The following RALYL variants were observed in gnomAD, a reference collection of about 807,000 sequenced individuals.
RALYL encodes RALY RNA binding protein like.
Under a neutral mutation model 35.1 loss-of-function variants are expected in RALYL, and 29 were observed. That is an observed-to-expected ratio of 0.83 (90% CI 0.61 to 1.13). The LOEUF (loss-of-function observed/expected upper bound fraction) is 1.13, where lower values mean the gene tolerates loss of function less well. RALYL is among the 50% of genes most tolerant of loss of function. The pLI is 0.00. For synonymous variants in RALYL, 120 were observed against 127.6 expected, an observed-to-expected ratio of 0.94 and a Z score of 0.40; for missense variants, 359 against 360.4, an observed-to-expected ratio of 1.00 and a Z score of 0.03.
intron 4 of RALYL, among the ~76,000 whole-genome samples, chr8:84,824,614 C>T (rs1477401415): frequency 3.9e-5 from 6 of 152,036 alleles, no homozygotes; most frequent in Non-Finnish European, 5.9e-5. Flanking sequence ...CTTCTAACTA[C>T]ACTATAAGGC....
chr8:84,261,954 C>T (rs1832386926), intron 1 of RALYL, among the ~76,000 whole-genome samples: 1 of 152,070 alleles, frequency 6.6e-6, no homozygotes, highest in African/African-American at 2.4e-5. Flanking sequence ...ATAGACTTCA[C>T]ATAATAAAGA....
At chr8:84,729,568 C>A (rs1170780631) in intron 2 of RALYL, among the ~76,000 whole-genome samples, 2 of 151,962 alleles carry the variant, frequency 1.3e-5, no homozygotes, top group Non-Finnish European at 2.9e-5. Flanking sequence ...ACACAAAAAA[C>A]CCTTCAAAAA....
intron 8 of RALYL, among the ~76,000 whole-genome samples, chr8:84,919,095 G>A (rs1264382265): frequency 6.6e-6 from 1 of 151,892 alleles, no homozygotes; most frequent in African/African-American, 2.4e-5. Context: ...CTAAATTCAT[G>A]TCAACTGCCA....
At chr8:84,662,293 T>C (rs1274441844) in intron 2 of RALYL, among the ~76,000 whole-genome samples, 2 of 152,172 alleles carry the variant, frequency 1.3e-5, no homozygotes, top group Non-Finnish European at 2.9e-5. Context: ...CTTCTTGCAC[T>C]CTACCACACA....
chr8:84,396,920 T>G (rs892925674), intron 1 of RALYL, among the ~76,000 whole-genome samples: 2 of 151,678 alleles, frequency 1.3e-5, no homozygotes, highest in African/African-American at 4.8e-5. Flanking sequence ...TCATAGAATA[T>G]CCCCCCCGCC....
At chr8:84,418,427 G>A (rs2045004782) in intron 1 of RALYL, among the ~76,000 whole-genome samples, 1 of 152,082 alleles carries the variant, frequency 6.6e-6, no homozygotes. Context: ...AATTTAATTA[G>A]CATGATGTCT....
intron 6 of RALYL, among the ~76,000 whole-genome samples, chr8:84,869,502 G>T (rs1485617610): frequency 2.0e-5 from 3 of 152,142 alleles, no homozygotes; most frequent in Non-Finnish European, 2.9e-5. Context: ...GGTAAGGGAG[G>T]TTATATCTAG....
chr8:84,808,768 T>C (rs1586441064), intron 4 of RALYL, among the ~76,000 whole-genome samples: 2 of 152,260 alleles, frequency 1.3e-5, no homozygotes, highest in East Asian at 3.9e-4. Flanking sequence ...TTTGCAGCCA[T>C]CGTAAAGTGG....
intron 7 of RALYL, among the ~76,000 whole-genome samples, chr8:84,874,737 A>G (rs1840817896): frequency 6.6e-6 from 1 of 152,240 alleles, no homozygotes. Flanking sequence ...AAATCGCTGT[A>G]TACCACATTC....
At chr8:84,867,871 G>A (rs1205103918) in intron 6 of RALYL, among the ~76,000 whole-genome samples, 1 of 152,122 alleles carries the variant, frequency 6.6e-6, no homozygotes, top group Non-Finnish European at 1.5e-5. Context: ...CTATTTCATA[G>A]ACAAAATAGA....
chr8:84,854,531 C>A (rs1836572977), intron 5 of RALYL, among the ~76,000 whole-genome samples: 1 of 152,104 alleles, frequency 6.6e-6, no homozygotes, highest in Admixed American at 6.6e-5. Context: ...CTCTCCTACT[C>A]CCCCAAAGCA....
At chr8:84,251,887 A>T (rs1830266738) in intron 1 of RALYL, among the ~76,000 whole-genome samples, 1 of 149,882 alleles carries the variant, frequency 6.7e-6, no homozygotes, top group Admixed American at 6.6e-5. Context: ...TTTTAGAAAG[A>T]TTTATTTTCC....
chr8:84,751,252 G>C (rs1809920602), intron 2 of RALYL, among the ~76,000 whole-genome samples: 1 of 152,016 alleles, frequency 6.6e-6, no homozygotes, highest in Non-Finnish European at 1.5e-5. Context: ...CTATCACCCA[G>C]GCTAGGGTGC....
At chr8:84,424,051 T>G (rs892212323) in intron 1 of RALYL, among the ~76,000 whole-genome samples, 1 of 151,958 alleles carries the variant, frequency 6.6e-6, no homozygotes, top group Non-Finnish European at 1.5e-5. Flanking sequence ...TCTTGAGGAG[T>G]ATCTTTGTGG....
At chr8:84,263,279 C>T (rs116853809) in intron 1 of RALYL, among the ~76,000 whole-genome samples, 2,898 of 152,186 alleles carry the variant, frequency 0.019, 42 homozygotes, top group Non-Finnish European at 0.031. Context: ...GTTTATTACT[C>T]ATAACCATAG....
chr8:84,183,211 G>A (rs1811679913), upstream of RALYL: 1 of 152,832 alleles, frequency 6.5e-6, no homozygotes, highest in African/African-American at 2.4e-5. Flanking sequence ...CGCCCTGCCT[G>A]TCTTGCGTGT....
intron 2 of RALYL, among the ~76,000 whole-genome samples, chr8:84,572,816 TA>T (rs1215367479): frequency 6.6e-6 from 1 of 151,772 alleles, no homozygotes; most frequent in East Asian, 1.9e-4. Context: ...TGGTTACATT[TA>T]AATTTACTAT....
intron 1 of RALYL, among the ~76,000 whole-genome samples, chr8:84,467,275 C>A (rs530506854): frequency 6.6e-6 from 1 of 151,628 alleles, no homozygotes; most frequent in Non-Finnish European, 1.5e-5. Context: ...CTCTTGTGGG[C>A]ATTTAGTGCT....
At chr8:84,760,400 A>G (rs117379497) in intron 2 of RALYL, among the ~76,000 whole-genome samples, 3 of 151,994 alleles carry the variant, frequency 2.0e-5, no homozygotes, top group South Asian at 2.1e-4. Context: ...TATTCTACCA[A>G]TTCATACAAG....
Sources: allele counts gnomAD v4.1 joint callset (sites outside exome capture counted in the v4.1 genomes callset), GRCh38; gene constraint gnomAD v4.1.1; transcripts MANE v1.5; gene names NCBI Gene and HGNC (gene_info 2026-07-23, HGNC 2026-07-21).